Variants in ROBO1 observed in about 807,000 individuals in gnomAD.
ROBO1 encodes the protein roundabout homolog 1.
Under a neutral mutation model 195.9 loss-of-function variants are expected in ROBO1, and 149 were observed. The ratio of observed to expected loss-of-function variants is 0.76; its 90% CI spans 0.67 to 0.87. ROBO1 has a LOEUF of 0.87. Among genes scored for constraint, ROBO1 ranks in the 40% least tolerant of loss-of-function variants. ROBO1 has a pLI of 0.00. For synonymous variants in ROBO1, 816 were observed against 733.2 expected (o/e 1.11, Z -1.82); for missense variants, 1,933 against 2,068.3 (o/e 0.93, Z 1.27).
intron 1 of ROBO1, among the ~76,000 whole-genome samples, chr3:79,624,481 C>G (rs9876339): frequency 0.3 from 45,227 of 151,590 alleles, 8,414 homozygotes; most frequent in African/African-American, 0.53. Context: ...CACACATAGG[C>G]TCAAAATAAA....
intron 2 of ROBO1, among the ~76,000 whole-genome samples, chr3:79,407,457 G>A (rs1348210903): frequency 1.3e-5 from 2 of 152,056 alleles, no homozygotes; most frequent in Non-Finnish European, 2.9e-5. Flanking sequence ...CACTTGTTGT[G>A]TTTAGTTCCA....
chr3:78,713,726 G>A (rs1021207766), intron 8 of ROBO1, among the ~76,000 whole-genome samples: 16 of 152,106 alleles, frequency 1.1e-4, no homozygotes, highest in Middle Eastern at 3.2e-3. Context: ...AGCTTAAGAC[G>A]TGACTTTGAC....
chr3:78,986,007 C>A (rs373657583), intron 3 of ROBO1, among the ~76,000 whole-genome samples: 1 of 152,036 alleles, frequency 6.6e-6, no homozygotes, highest in East Asian at 1.9e-4. Context: ...AATGATCATG[C>A]ACAAGAAAAG....
At chr3:79,634,493 TTG>T (rs1206070247) in intron 1 of ROBO1, among the ~76,000 whole-genome samples, 1 of 152,204 alleles carries the variant, frequency 6.6e-6, no homozygotes, top group African/African-American at 2.4e-5. Flanking sequence ...GGCTCTTTCT[TTG>T]ACAATACAGT....
chr3:79,396,263 T>C (rs933004985), intron 2 of ROBO1, among the ~76,000 whole-genome samples: 19 of 152,050 alleles, frequency 1.2e-4, no homozygotes, highest in African/African-American at 4.6e-4. Context: ...TTACACATAT[T>C]TGAGGTTTTT....
At chr3:78,608,598 C>T (rs979579031) in intron 28 of ROBO1, among the ~76,000 whole-genome samples, 6 of 151,848 alleles carry the variant, frequency 4.0e-5, no homozygotes, top group African/African-American at 1.5e-4. Flanking sequence ...TCGGTTATTC[C>T]GGCTGCAGTA....
At chr3:78,794,708 G>A (rs1015862395) in intron 4 of ROBO1, among the ~76,000 whole-genome samples, 4 of 152,022 alleles carry the variant, frequency 2.6e-5, no homozygotes, top group Admixed American at 6.6e-5. Flanking sequence ...ATGTGCTACC[G>A]AGTAGCTAGG....
chr3:79,446,820 A>G (rs1342711770), intron 2 of ROBO1, among the ~76,000 whole-genome samples: 1 of 152,058 alleles, frequency 6.6e-6, no homozygotes, highest in Admixed American at 6.6e-5. Context: ...AAGTTTTAAA[A>G]TGCACACTTT....
intron 3 of ROBO1, among the ~76,000 whole-genome samples, chr3:78,967,580 T>C (rs1228950333): frequency 6.6e-6 from 1 of 152,156 alleles, no homozygotes; most frequent in Non-Finnish European, 1.5e-5. Context: ...CAGCATTAGA[T>C]GTATCTTGTT....
intron 2 of ROBO1, among the ~76,000 whole-genome samples, chr3:79,311,911 G>T (rs2109096795): frequency 6.6e-6 from 1 of 152,124 alleles, no homozygotes; most frequent in Admixed American, 6.5e-5. Flanking sequence ...CCACCTAAAA[G>T]TGTCTACAGG....
intron 2 of ROBO1, among the ~76,000 whole-genome samples, chr3:79,380,869 T>C (rs1410994487): frequency 6.6e-6 from 1 of 152,080 alleles, no homozygotes; most frequent in Non-Finnish European, 1.5e-5. Context: ...TCTCTTATAA[T>C]CCTGCCTCTA....
intron 1 of ROBO1, among the ~76,000 whole-genome samples, chr3:79,680,930 A>T (rs566862919): frequency 6.6e-6 from 1 of 152,030 alleles, no homozygotes; most frequent in East Asian, 1.9e-4. Context: ...GAGATGCTGG[A>T]AGTTGAGGTT....
At chr3:78,905,065 C>G (rs2037821465) in intron 4 of ROBO1, among the ~76,000 whole-genome samples, 1 of 151,942 alleles carries the variant, frequency 6.6e-6, no homozygotes, top group Non-Finnish European at 1.5e-5. Flanking sequence ...TAAGTTGCTT[C>G]TACCATATTT....
chr3:79,097,597 A>C (rs950967177), intron 3 of ROBO1, among the ~76,000 whole-genome samples: 44 of 151,802 alleles, frequency 2.9e-4, no homozygotes, highest in African/African-American at 1.0e-3. Context: ...TCAGTTCAAA[A>C]CTACATTTCA....
intron 4 of ROBO1, among the ~76,000 whole-genome samples, chr3:78,763,572 A>G (rs1348225926): frequency 2.0e-5 from 3 of 152,166 alleles, no homozygotes; most frequent in Non-Finnish European, 4.4e-5. Flanking sequence ...AGACTTTACA[A>G]AAAGAAACAC....
At chr3:78,944,972 C>T (rs1431230315) in intron 3 of ROBO1, among the ~76,000 whole-genome samples, 1 of 152,172 alleles carries the variant, frequency 6.6e-6, no homozygotes. Flanking sequence ...GGGAGGGGTG[C>T]CCGCCATTGC....
intron 3 of ROBO1, among the ~76,000 whole-genome samples, chr3:78,998,403 C>T (rs1213216596): frequency 1.3e-5 from 2 of 152,104 alleles, no homozygotes; most frequent in African/African-American, 2.4e-5. Flanking sequence ...GAAACTTGCC[C>T]TACACTTATA....
intron 3 of ROBO1, among the ~76,000 whole-genome samples, chr3:79,041,077 G>A (rs1021869773): frequency 1.3e-5 from 2 of 151,976 alleles, no homozygotes; most frequent in Admixed American, 6.6e-5. Flanking sequence ...GGCTTCTCTC[G>A]CAATTTTTCA....
In ROBO1 at chr3:78,708,427, C is replaced by G. The variant is rs1401858592; in HGVS notation, c.1045+5970G>C. 2.0e-5 allele frequency among the ~76,000 whole-genome samples: 3 copies of G among 151,382 alleles called. No individual in the cohort carries two copies. The East Asian group carries it at 5.8e-4, about 29-fold the overall frequency. The stretch of plus-strand genomic sequence containing the variant: ...TTAAGTATTTTGAAGCTGTATTCAC[C>G]ATGCTTTTCCTAAAGTCTACTTCAA... On this transcript the variant is annotated intron_variant, in intron 8 of 30. Transcript: ENST00000464233.
Sources: gnomAD v4.1 joint callset for allele counts (sites outside exome capture counted in the v4.1 genomes callset) on GRCh38, gnomAD v4.1.1 for gene constraint, MANE v1.5 for transcripts, NCBI Gene and HGNC (gene_info 2026-07-23, HGNC 2026-07-21) for gene names.